Variants in LHX2 observed in about 807,000 individuals in gnomAD.
The protein encoded by LHX2 is LIM homeobox 2.
A neutral mutation model predicts 33.0 loss-of-function variants in LHX2; 6 were observed. That is an observed-to-expected ratio of 0.18 (90% CI 0.10 to 0.36). LHX2 has a LOEUF of 0.36. Ranked by LOEUF, LHX2 falls within the 10% of genes least tolerant of loss-of-function variation. LHX2 has a pLI of 1.00. For synonymous variants in LHX2, 292 were observed against 253.1 expected, an observed-to-expected ratio of 1.15 and a Z score of -1.46; for missense variants, 442 against 586.2, an observed-to-expected ratio of 0.75 and a Z score of 2.54.
intron 4 of LHX2, 151 bp downstream of exon 4, chr9:124,021,455 A>G (rs1268835708): frequency 3.0e-6 from 2 of 662,092 alleles, no homozygotes; most frequent in Admixed American, 2.9e-5. Context: ...TCACCTCTCC[A>G]GCCTGTCCCC....
At chr9:124,027,219 A>G (rs1588351589) in intron 4 of LHX2, among the ~76,000 whole-genome samples, 1 of 152,214 alleles carries the variant, frequency 6.6e-6, no homozygotes, top group Non-Finnish European at 1.5e-5. Flanking sequence ...AAATACTAGA[A>G]CTGCCATACC....
chr9:124,032,331 C>T lies in LHX2; in HGVS notation c.934-89C>T, dbSNP rs1329297565. On this transcript the variant is annotated intron_variant, in intron 4 of 4. Coordinates refer to ENST00000373615, the MANE Select transcript of LHX2 (RefSeq NM_004789.4). This position sits in a 1 kb window ranked among gnomAD's most constrained non-coding sequence, Gnocchi z 4.1. The stretch of plus-strand genomic sequence containing the variant: ...TCTTGGCAAAACACAGATCAGCGTC[C>T]CCAGAGGCAGCAGAGCTCTGAGTGA... 8.5e-6 allele frequency: 12 copies of T among 1,415,308 alleles called. No homozygotes were observed. The highest frequency in any genetic ancestry group is 1.1e-5 in the Non-Finnish European group (12 of 1,064,238). The allele number at this position is 1,415,308 out of a possible 1,614,324, so 87.7% of individuals were successfully genotyped here. A position where few individuals can be genotyped will look rare whatever the true frequency, so the allele number is the denominator to read the frequency against.
chr9:124,028,729 G>C (rs1175387239), intron 4 of LHX2, among the ~76,000 whole-genome samples: 1 of 152,216 alleles, frequency 6.6e-6, no homozygotes, highest in Non-Finnish European at 1.5e-5. Flanking sequence ...TTTAGGGCAA[G>C]TGGTCCTGGA....
At chr9:124,030,532 T>C (rs1186517621) in intron 4 of LHX2, among the ~76,000 whole-genome samples, 1 of 152,122 alleles carries the variant, frequency 6.6e-6, no homozygotes. Context: ...AAGTACTTCG[T>C]GGACCTCTGG....
At chr9:124,022,968 T>C (rs1485160652) in intron 4 of LHX2, among the ~76,000 whole-genome samples, 1 of 152,208 alleles carries the variant, frequency 6.6e-6, no homozygotes, top group Admixed American at 6.5e-5. Context: ...TGGTCTGTTT[T>C]GCTTTGGAGT....
chr9:124,014,263 G>T lies in LHX2; in HGVS notation c.323+100G>T, dbSNP rs887251615. 1.4e-6 allele frequency: 1 copy of T among 734,322 alleles called. No individual in the cohort carries two copies. Among genetic ancestry groups the T allele is most frequent in the South Asian group, 1.6e-5 (1 of 62,100 alleles). The allele number at this position is 734,322 out of a possible 1,614,324, so 45.5% of individuals were successfully genotyped here. On this transcript the variant is annotated intron_variant, in intron 2 of 4. Transcript: ENST00000373615. The surrounding 1 kb of genome is among the most constrained non-coding windows in gnomAD (Gnocchi z 4.8). Reference sequence around the variant, plus strand: ...CCTTTCCGTTTAGTCCCAGGAGAGGGTTCACTACTCAGGACTCCCCCGCTC... The same window carrying T: ...CCTTTCCGTTTAGTCCCAGGAGAGGTTTCACTACTCAGGACTCCCCCGCTC...
At chr9:124,021,677 A>C (rs1859296428) in intron 4 of LHX2, 1 of 184,978 alleles carries the variant, frequency 5.4e-6, no homozygotes, top group African/African-American at 2.4e-5. Flanking sequence ...ATTTCAGATA[A>C]ATCTAGAGGC....
At chr9:124,020,493 ATC>A (rs986080585) in intron 3 of LHX2, among the ~76,000 whole-genome samples, 15 of 152,152 alleles carry the variant, frequency 9.9e-5, no homozygotes, top group Non-Finnish European at 1.5e-4. Context: ...ATGAACATGA[ATC>A]TCTGTTTCAG....
At chr9:124,025,412 G>C (rs996603604) in intron 4 of LHX2, among the ~76,000 whole-genome samples, 1 of 144,258 alleles carries the variant, frequency 6.9e-6, no homozygotes, top group Non-Finnish European at 1.5e-5. Flanking sequence ...CTGCACTCCA[G>C]CCTGGGCGAC....
chr9:124,030,339 T>C (rs1828689257), intron 4 of LHX2, among the ~76,000 whole-genome samples: 1 of 152,220 alleles, frequency 6.6e-6, no homozygotes, highest in Non-Finnish European at 1.5e-5. Flanking sequence ...GCAGGACATC[T>C]GGAAATGCGC....
rs370642055 is a variant in LHX2, at chr9:124,028,299, C to T, written c.934-4121C>T. Among the ~76,000 whole-genome samples, 10 of 152,282 alleles carry T rather than the reference C, an allele frequency of 6.6e-5. No homozygotes were observed. In the East Asian group the frequency reaches 1.7e-3, roughly 26 times the overall value. On this transcript the variant is annotated intron_variant, in intron 4 of 4. Transcript: ENST00000373615. ...TCTACCGCGCACCAGGCTGGGGCACCCCGGCCTGGTGTTAGTTGTGTCCTG... is the reference window on the plus strand; with the variant it reads ...TCTACCGCGCACCAGGCTGGGGCACTCCGGCCTGGTGTTAGTTGTGTCCTG...
In LHX2 at chr9:124,015,267, G is replaced by A. The variant is rs1228926589; in HGVS notation, c.469G>A (p.Gly157Ser). 1 of 1,614,010 alleles carries A rather than the reference G, an allele frequency of 6.2e-7. No individual in the cohort carries two copies. The highest frequency in any genetic ancestry group is 1.3e-5 in the African/African-American group (1 of 74,944). Residue 157 changes from glycine to serine, a missense_variant, in exon 3 of 5, where the codon GGC becomes AGC. This residue lies in a region of LHX2 where 72 missense variants were observed against 171.6 expected (regional missense o/e 0.42). Transcript: ENST00000373615. The surrounding 1 kb of genome is among the most constrained non-coding windows in gnomAD (Gnocchi z 7.9). ...GATGCTGACCACGGGCGACCACTTC[G>A]GCATGAAGGACAGCCTGGTCTACTG... ...NKMLTTGDHF[G>S]MKDSLVYCRL...
Position 124,013,964 on chromosome 9 carries a change from A to G in LHX2, c.124A>G (p.Met42Val), listed in dbSNP as rs752440722. 6.2e-7 allele frequency: 1 copy of G among 1,612,088 alleles called. No individual in the cohort carries two copies. The highest frequency in any genetic ancestry group is 1.3e-5 in the African/African-American group (1 of 74,912). The change falls in exon 2 of 5, where the codon ATG becomes GTG. Residue 42 changes from methionine (M) to valine (V), a missense_variant. Met to Val is a conservative substitution (Grantham distance 21, BLOSUM62 1). This residue lies in a region of LHX2 where 97 missense variants were observed against 81.5 expected (regional missense o/e 1.19). Transcript: ENST00000373615. Reference protein sequence around the residue: ...AIDRGDTETTMPSISSDRAAL... With the variant: ...AIDRGDTETTVPSISSDRAAL... ...TTCCGCCTCCCTCCCTTCGCAGACC[A>G]TGCCGTCCATCAGCAGTGACCGCGC...
At chr9:124,013,938 C>T (rs1859137639) in intron 1 of LHX2, 23 bp from the exon 2 acceptor site, 1 of 1,605,790 alleles carries the variant, frequency 6.2e-7, no homozygotes. Flanking sequence ...GCGCTGCTGT[C>T]TTCCGCCTCC....
In LHX2 at chr9:124,033,170, AG is replaced by A. The variant is rs995240452; in HGVS notation, c.*464del. The A allele has an allele frequency of 2.6e-5, 4 of 152,788 alleles. No individual in the cohort carries two copies. The highest frequency in any genetic ancestry group is 9.7e-5 in the African/African-American group (4 of 41,298). The allele number at this position is 152,788 out of a possible 1,614,324, so 9.5% of individuals were successfully genotyped here. A position where few individuals can be genotyped will look rare whatever the true frequency, so the allele number is the denominator to read the frequency against. On this transcript the variant is annotated 3_prime_UTR_variant, in exon 5 of 5. Transcript: ENST00000373615. ...TTTGAATAGTCCTAAAAAGAAAAAA[AG>A]AAAAAAAAAAAAGGAAAAATCAAAC...
chr9:124,031,389 C>T (rs1014087095), intron 4 of LHX2, among the ~76,000 whole-genome samples: 2 of 151,544 alleles, frequency 1.3e-5, no homozygotes, highest in Non-Finnish European at 2.9e-5. Context: ...ACATTTAAAA[C>T]ATTTTACCAA....
At position 124,015,585 on chromosome 9, in the gene LHX2, G is replaced by A; in HGVS notation, c.727+60G>A. 3 of 1,429,688 alleles carry A rather than the reference G, an allele frequency of 2.1e-6. No homozygotes were observed. Among genetic ancestry groups the A allele is most frequent in the Non-Finnish European group, 2.8e-6 (3 of 1,083,822 alleles). 88.6% of individuals were successfully genotyped at this position (1,429,688 alleles called of 1,614,324 possible). A position where few individuals can be genotyped will look rare whatever the true frequency, so the allele number is the denominator to read the frequency against. On this transcript the variant is annotated intron_variant, in intron 3 of 4. Transcript: ENST00000373615. This position sits in a 1 kb window ranked among gnomAD's most constrained non-coding sequence, Gnocchi z 7.9. ...TTGGGGGAAAGTGTGCGGCCTCGAC[G>A]GCCGGGAGCTGGATTGAATCTCTGT...
intron 4 of LHX2, among the ~76,000 whole-genome samples, chr9:124,030,816 A>G (rs1371392564): frequency 6.6e-6 from 1 of 151,644 alleles, no homozygotes; most frequent in Non-Finnish European, 1.5e-5. Flanking sequence ...TATTTTTAGT[A>G]GAGATGGGGT....
In LHX2 at chr9:124,021,279, C is replaced by T; in HGVS notation, c.908C>T (p.Thr303Met). 1.2e-6 allele frequency: 2 copies of T among 1,613,898 alleles called. No homozygotes were observed. Among genetic ancestry groups the T allele is most frequent in the East Asian group, 2.2e-5 (1 of 44,882 alleles). Residue 303 changes from threonine to methionine, a missense_variant, in exon 4 of 5, where the codon ACG (threonine) becomes ATG (methionine). Physicochemically the swap from Thr to Met is moderately conservative, Grantham distance 81. Transcript: ENST00000373615. ...AKDLKQLAQK[T>M]GLTKRVLQVW... ...GACTTGAAGCAGCTCGCGCAAAAGA[C>T]GGGCCTCACCAAGCGGGTCCTCCAG... is the stretch of plus-strand genomic sequence containing the variant.
Sources: allele counts gnomAD v4.1 joint callset (sites outside exome capture counted in the v4.1 genomes callset), GRCh38; gene constraint gnomAD v4.1.1; regional missense constraint gnomAD v4.1.1; non-coding constraint Gnocchi (gnomAD v3.1); transcripts MANE v1.5; gene names NCBI Gene and HGNC (gene_info 2026-07-23, HGNC 2026-07-21).